Variants in ADCY5 observed in about 807,000 individuals in gnomAD.
ADCY5 encodes the protein adenylate cyclase type 5.
A neutral mutation model predicts 119.7 loss-of-function variants in ADCY5; 30 were observed. The ratio of observed to expected loss-of-function variants is 0.25; its 90% CI spans 0.19 to 0.34. The LOEUF is 0.34. Ranked by LOEUF, ADCY5 falls within the 10% of genes least tolerant of loss-of-function variation. The probability of loss-of-function intolerance (pLI) is 1.00; values close to 1 mark genes in which losing one functional copy is unlikely to be tolerated. For missense variants in ADCY5, 1,324 were observed against 1,775.2 expected (o/e 0.75, Z 4.57); for synonymous variants, 753 against 762.2 (o/e 0.99, Z 0.20).
intron 1 of ADCY5, among the ~76,000 whole-genome samples, chr3:123,430,537 C>A (rs1945502875): frequency 6.6e-6 from 1 of 152,234 alleles, no homozygotes; most frequent in Non-Finnish European, 1.5e-5. Flanking sequence ...CAGCAACACC[C>A]CGCACGGGGA....
intron 1 of ADCY5, among the ~76,000 whole-genome samples, chr3:123,356,963 T>C (rs1200543441): frequency 6.6e-6 from 1 of 152,012 alleles, no homozygotes; most frequent in East Asian, 1.9e-4. Flanking sequence ...ATCTCAAATA[T>C]ATTATGCTAA....
chr3:123,443,066 T>C (rs950941961), intron 1 of ADCY5, among the ~76,000 whole-genome samples: 1 of 152,102 alleles, frequency 6.6e-6, no homozygotes. Flanking sequence ...TGAAAGTGTG[T>C]CTTCCTCCAC....
At chr3:123,396,969 G>A (rs1944616332) in intron 1 of ADCY5, among the ~76,000 whole-genome samples, 1 of 152,140 alleles carries the variant, frequency 6.6e-6, no homozygotes. Flanking sequence ...GGAAACTTCT[G>A]TACAATGTGA....
At chr3:123,369,139 T>G (rs866670965) in intron 1 of ADCY5, among the ~76,000 whole-genome samples, 1 of 151,852 alleles carries the variant, frequency 6.6e-6, no homozygotes, top group Non-Finnish European at 1.5e-5. Flanking sequence ...GGGGCCCCCA[T>G]GATGAAACTG....
rs370249253 is a variant in ADCY5, at chr3:123,327,599, C to T, written c.1947+19G>A. ...GGAGGAAGGGAGCCCCTCAGCCCCC[C>T]GGCCCCCAGCCCACAGACCCGCTTC... On this transcript the variant is annotated intron_variant, in intron 7 of 20. Transcript: ENST00000462833. 1.7e-5 allele frequency: 27 copies of T among 1,608,694 alleles called. No homozygotes were observed. Among genetic ancestry groups the T allele is most frequent in the African/African-American group, 4.0e-5 (3 of 74,932 alleles).
intron 4 of ADCY5, 105 bp downstream of exon 4, chr3:123,332,459 C>T (rs1941809271): frequency 2.4e-6 from 2 of 836,020 alleles, no homozygotes; most frequent in Non-Finnish European, 3.9e-6. Flanking sequence ...GCAGGATATA[C>T]CCAGGCACAT....
Position 123,284,741 on chromosome 3 carries a change from G to A in ADCY5, c.3658-5C>T. 1 of 1,614,124 alleles carries A rather than the reference G, an allele frequency of 6.2e-7. No homozygotes were observed. The highest frequency in any genetic ancestry group is 1.1e-5 in the South Asian group (1 of 91,078). ...CTGGTACATGTCTGTGGTGACCTGT[G>A]GGGGAACAGGAGGAGAGAGGGCAAG... is the stretch of plus-strand genomic sequence containing the variant. On this transcript the variant is annotated splice_region_variant and splice_polypyrimidine_tract_variant and intron_variant, in intron 20 of 20. Transcript: ENST00000462833.
At chr3:123,312,611 C>T (rs2108308933) in intron 12 of ADCY5, among the ~76,000 whole-genome samples, 1 of 152,322 alleles carries the variant, frequency 6.6e-6, no homozygotes, top group East Asian at 1.9e-4. Flanking sequence ...CATAAATTTG[C>T]CTGTTCTAGG....
At chr3:123,401,333 T>G (rs1309655102) in intron 1 of ADCY5, among the ~76,000 whole-genome samples, 4 of 152,142 alleles carry the variant, frequency 2.6e-5, no homozygotes, top group Non-Finnish European at 5.9e-5. Context: ...GACAAGCACC[T>G]GAGGGCTGGG....
chr3:123,356,162 A>G (rs1943030368), intron 1 of ADCY5, among the ~76,000 whole-genome samples: 2 of 152,340 alleles, frequency 1.3e-5, no homozygotes, highest in Non-Finnish European at 1.5e-5. Flanking sequence ...AGTGAATCAG[A>G]GACCCAAATA....
At chr3:123,333,918 G>C (rs1941900484) in intron 3 of ADCY5, among the ~76,000 whole-genome samples, 1 of 152,170 alleles carries the variant, frequency 6.6e-6, no homozygotes, top group African/African-American at 2.4e-5. Flanking sequence ...GGAGGAGAAA[G>C]GAAGACACAG....
At chr3:123,298,832 T>TTTTTTG (rs1939670963) in intron 15 of ADCY5, among the ~76,000 whole-genome samples, 2 of 147,570 alleles carry the variant, frequency 1.4e-5, no homozygotes, top group Admixed American at 6.8e-5. Flanking sequence ...AACTGTCACT[T>TTTTTTG]TTTTTTTTTT....
chr3:123,314,920 T>A lies in ADCY5; in HGVS notation c.2355-598A>T, dbSNP rs565714749. On this transcript the variant is annotated intron_variant, in intron 11 of 20. Coordinates refer to ENST00000462833, the MANE Select transcript of ADCY5 (RefSeq NM_183357.3). ...CCAGGTCCCACAACAAGTCCCGCAGTTTTTGCTCCTCGATTCCTAGCCAGT... is the reference window on the plus strand; with the variant it reads ...CCAGGTCCCACAACAAGTCCCGCAGATTTTGCTCCTCGATTCCTAGCCAGT... Among the ~76,000 whole-genome samples, 6 of 152,312 alleles carry A rather than the reference T, an allele frequency of 3.9e-5. 1 individual carries two copies. The South Asian group carries it at 1.2e-3, about 32-fold the overall frequency.
intron 1 of ADCY5, among the ~76,000 whole-genome samples, chr3:123,398,230 T>C (rs78671510): frequency 0.017 from 2,616 of 151,358 alleles, 76 homozygotes; most frequent in African/African-American, 0.06. Context: ...CTAACAAAGT[T>C]CCCCCCTGCC....
At chr3:123,335,503 T>C (rs1040303641) in intron 3 of ADCY5, among the ~76,000 whole-genome samples, 1 of 152,226 alleles carries the variant, frequency 6.6e-6, no homozygotes, top group Non-Finnish European at 1.5e-5. Context: ...ACACAGGCAC[T>C]GGCTCCACAC....
At chr3:123,335,323 G>A (rs1300351245) in intron 3 of ADCY5, among the ~76,000 whole-genome samples, 2 of 152,142 alleles carry the variant, frequency 1.3e-5, no homozygotes, top group Non-Finnish European at 2.9e-5. Context: ...GGAACTGTGA[G>A]TGACAATCTT....
intron 17 of ADCY5, among the ~76,000 whole-genome samples, chr3:123,291,888 T>C (rs1300225425): frequency 1.3e-5 from 2 of 152,142 alleles, no homozygotes; most frequent in African/African-American, 4.8e-5. Flanking sequence ...GCCCAGTCTG[T>C]CTCCCAGGAG....
intron 1 of ADCY5, among the ~76,000 whole-genome samples, chr3:123,369,984 G>A (rs1363737520): frequency 2.0e-5 from 3 of 152,186 alleles, no homozygotes; most frequent in Non-Finnish European, 4.4e-5. Flanking sequence ...CCACGGCCAC[G>A]GGAAGCACTG....
At chr3:123,331,054 G>A (rs1941740469) in intron 4 of ADCY5, 38 bp from the exon 5 acceptor site, 2 of 1,585,476 alleles carry the variant, frequency 1.3e-6, no homozygotes, top group South Asian at 1.1e-5. Context: ...AAAAATAGTA[G>A]GAAAGAGAAG....
Sources: allele counts gnomAD v4.1 joint callset (sites outside exome capture counted in the v4.1 genomes callset), GRCh38; gene constraint gnomAD v4.1.1; transcripts MANE v1.5; gene names NCBI Gene and HGNC (gene_info 2026-07-23, HGNC 2026-07-21).